Variants in SLC13A3 observed in about 807,000 individuals in gnomAD.
SLC13A3 encodes the protein Na(+)/dicarboxylate cotransporter 3.
Under a neutral mutation model 59.0 loss-of-function variants are expected in SLC13A3, and 40 were observed. That is an observed-to-expected ratio of 0.68 (90% CI 0.53 to 0.88). The LOEUF (loss-of-function observed/expected upper bound fraction) is 0.88, where lower values mean the gene tolerates loss of function less well. SLC13A3 is among the 40% of genes least tolerant of loss of function. The pLI is 0.00. For synonymous variants in SLC13A3, 317 were observed against 330.3 expected (o/e 0.96, Z 0.44); for missense variants, 699 against 783.2 (o/e 0.89, Z 1.28).
intron 3 of SLC13A3, among the ~76,000 whole-genome samples, chr20:46,600,909 T>C (rs976380497): frequency 5.3e-5 from 8 of 152,198 alleles, no homozygotes; most frequent in African/African-American, 1.9e-4. Context: ...GGGCTCTCCC[T>C]TCAACAGAGA....
At chr20:46,670,688 C>G (rs2063085992), upstream of SLC13A3, among the ~76,000 whole-genome samples, 1 of 152,174 alleles carries the variant, frequency 6.6e-6, no homozygotes, top group Non-Finnish European at 1.5e-5. Flanking sequence ...ATGCAGCCCC[C>G]TAAGTGATCT....
At chr20:46,562,140 C>T (rs2146073157) in intron 12 of SLC13A3, among the ~76,000 whole-genome samples, 1 of 152,298 alleles carries the variant, frequency 6.6e-6, no homozygotes, top group South Asian at 2.1e-4. Flanking sequence ...CCCACCCTAA[C>T]GATTCACTCC....
At chr20:46,565,908 A>G (rs1434797373) in intron 11 of SLC13A3, among the ~76,000 whole-genome samples, 3 of 152,144 alleles carry the variant, frequency 2.0e-5, no homozygotes, top group African/African-American at 7.2e-5. Context: ...TCCTATGGCC[A>G]TTTGTTTACT....
chr20:46,566,600 T>C, intron 10 of SLC13A3: 1 of 494,272 alleles, frequency 2.0e-6, no homozygotes, highest in Non-Finnish European at 3.5e-6. Flanking sequence ...CTCGAACTGC[T>C]CTCCACTCTA....
chr20:46,668,494 G>A (rs1600631214), intron 1 of SLC13A3, among the ~76,000 whole-genome samples: 1 of 152,218 alleles, frequency 6.6e-6, no homozygotes. Flanking sequence ...GAGAGGTGAG[G>A]AAGCTGCAGA....
intron 3 of SLC13A3, among the ~76,000 whole-genome samples, chr20:46,600,279 A>AGGAAAGGAAAGGAAAGGAAG (rs2062360924): frequency 2.2e-5 from 3 of 135,592 alleles, no homozygotes; most frequent in Non-Finnish European, 4.7e-5. Flanking sequence ...AGGAAAGGAA[A>AGGAAAGGAAAGGAAAGGAAG]GGAAAGGGAG....
chr20:46,602,244 G>A (rs148180721), intron 3 of SLC13A3, among the ~76,000 whole-genome samples: 1 of 152,272 alleles, frequency 6.6e-6, no homozygotes, highest in African/African-American at 2.4e-5. Flanking sequence ...GGCTGAGGTG[G>A]AGGATCTGTT....
intron 1 of SLC13A3, among the ~76,000 whole-genome samples, chr20:46,682,587 G>A (rs1490567249): frequency 6.6e-6 from 1 of 152,114 alleles, no homozygotes; most frequent in Non-Finnish European, 1.5e-5. Context: ...TACTAACTGA[G>A]TGGCCTGGGG....
intron 1 of SLC13A3, among the ~76,000 whole-genome samples, chr20:46,659,158 A>C (rs891097645): frequency 7.2e-5 from 11 of 152,052 alleles, no homozygotes; most frequent in African/African-American, 2.7e-4. Context: ...CATCTAATAT[A>C]ATTATTTATC....
At position 46,559,267 on chromosome 20, in the gene SLC13A3, C is replaced by A. The variant is rs1601110718; in HGVS notation, c.*755G>T. 6.6e-6 allele frequency: 1 copy of A among 152,188 alleles called. No homozygotes were observed. The highest frequency in any genetic ancestry group is 1.5e-5 in the Non-Finnish European group (1 of 68,102). The allele number at this position is 152,188 out of a possible 1,614,324, so 9.4% of individuals were successfully genotyped here. ...ATGGGAGGGCAGGACCCAGGCCTGGCCTGACCCCAGAATTATGGCCAAACT... is the reference window on the plus strand; with the variant it reads ...ATGGGAGGGCAGGACCCAGGCCTGGACTGACCCCAGAATTATGGCCAAACT... On this transcript the variant is annotated 3_prime_UTR_variant, in exon 13 of 13. Coordinates refer to ENST00000279027, the MANE Select transcript of SLC13A3 (RefSeq NM_022829.6).
chr20:46,588,808 C>T (rs2122665926), intron 7 of SLC13A3, among the ~76,000 whole-genome samples: 1 of 152,264 alleles, frequency 6.6e-6, no homozygotes, highest in Admixed American at 6.5e-5. Flanking sequence ...GCCTACTGAA[C>T]CCGTTATTTT....
chr20:46,562,422 C>T (rs1044205411), intron 12 of SLC13A3, among the ~76,000 whole-genome samples: 3 of 152,132 alleles, frequency 2.0e-5, no homozygotes, highest in Non-Finnish European at 4.4e-5. Flanking sequence ...TCCCCTTTTT[C>T]TCTGTGAGGC....
rs1200014109 is a variant in SLC13A3 at position 46,560,271 on chromosome 20, A to C, written c.1633-73T>G. 2.1e-6 allele frequency: 3 copies of C among 1,446,088 alleles called. No homozygotes were observed. In the East Asian group the frequency reaches 6.8e-5, roughly 33 times the overall value. 89.6% of individuals were successfully genotyped at this position (1,446,088 alleles called of 1,614,324 possible). A position where few individuals can be genotyped will look rare whatever the true frequency, so the allele number is the denominator to read the frequency against. On this transcript the variant is annotated intron_variant, in intron 12 of 12. Coordinates refer to ENST00000279027, the MANE Select transcript of SLC13A3 (RefSeq NM_022829.6). ...TACAGATGGAAACATTCAGACTCAGAGACAGGAAGTCACTCACCCAAGATC... is the reference window on the plus strand; with the variant it reads ...TACAGATGGAAACATTCAGACTCAGCGACAGGAAGTCACTCACCCAAGATC...
At chr20:46,591,092 C>G (rs942184209) in intron 6 of SLC13A3, among the ~76,000 whole-genome samples, 1 of 151,970 alleles carries the variant, frequency 6.6e-6, no homozygotes, top group East Asian at 1.9e-4. Flanking sequence ...ATGGCCTGAA[C>G]CTGGGAGGTG....
In SLC13A3 at chr20:46,592,518, T is replaced by C; in HGVS notation, c.806A>G (p.Gln269Arg). ...LLGQLKSFFP[Q>R]CDVVNFGSWF... ...GGAGCCGAAATTCACCACGTCACACTGCGGAAAGAAACTGGAGAACAGCGG... is the reference window on the plus strand; with the variant it reads ...GGAGCCGAAATTCACCACGTCACACCGCGGAAAGAAACTGGAGAACAGCGG... The change falls in exon 6 of 13, where the codon CAG (glutamine) becomes CGG (arginine). Residue 269 changes from glutamine to arginine, a missense_variant. By Grantham distance (43) the Gln-to-Arg change is conservative (BLOSUM62 1). Coordinates refer to ENST00000279027, the MANE Select transcript of SLC13A3 (RefSeq NM_022829.6). 1 of 1,613,488 alleles carries C rather than the reference T, an allele frequency of 6.2e-7. No individual in the cohort carries two copies. The highest frequency in any genetic ancestry group is 1.3e-5 in the African/African-American group (1 of 74,954).
intron 1 of SLC13A3, among the ~76,000 whole-genome samples, chr20:46,620,579 A>C (rs1202608711): frequency 6.6e-6 from 1 of 152,220 alleles, no homozygotes; most frequent in East Asian, 1.9e-4. Flanking sequence ...GCTACAAAGA[A>C]ATTCTAGTTT....
At chr20:46,574,882 G>C (rs2062060082) in intron 10 of SLC13A3, among the ~76,000 whole-genome samples, 1 of 146,334 alleles carries the variant, frequency 6.8e-6, no homozygotes, top group Non-Finnish European at 1.5e-5. Context: ...CTGTCACCCA[G>C]GCTGGAGTAC....
intron 5 of SLC13A3, among the ~76,000 whole-genome samples, chr20:46,593,633 T>A (rs1255863783): frequency 6.6e-6 from 1 of 152,100 alleles, no homozygotes; most frequent in Non-Finnish European, 1.5e-5. Flanking sequence ...TATCAGCAAG[T>A]GTGTGGTCAG....
chr20:46,609,812 A>G (rs1409986781), intron 3 of SLC13A3, among the ~76,000 whole-genome samples: 2 of 152,200 alleles, frequency 1.3e-5, no homozygotes, highest in African/African-American at 2.4e-5. Context: ...AACTTCCCAC[A>G]CCACAGAGAG....
Sources: allele counts gnomAD v4.1 joint callset (sites outside exome capture counted in the v4.1 genomes callset), GRCh38; gene constraint gnomAD v4.1.1; transcripts MANE v1.5; gene names NCBI Gene and HGNC (gene_info 2026-07-23, HGNC 2026-07-21).